Variants in HIF1A observed in about 807,000 individuals in gnomAD.
The protein encoded by HIF1A is hypoxia inducible factor 1 subunit alpha.
Under a neutral mutation model 92.7 loss-of-function variants are expected in HIF1A, and 24 were observed. The observed-to-expected ratio is 0.26, with a 90% confidence interval of 0.19 to 0.36. The LOEUF (loss-of-function observed/expected upper bound fraction) is 0.36, where lower values mean the gene tolerates loss of function less well. Among genes scored for constraint, HIF1A ranks in the 10% least tolerant of loss-of-function variants. The probability of loss-of-function intolerance (pLI) is 1.00; values close to 1 mark genes in which losing one functional copy is unlikely to be tolerated. For synonymous variants in HIF1A, 319 were observed against 338.7 expected (o/e 0.94, Z 0.64); for missense variants, 799 against 998.5 (o/e 0.80, Z 2.69).
rs372113446 is a variant in HIF1A, at chr14:61,740,936, C to T, written c.1841C>T (p.Ala614Val). ...CAAATACAAGAACCTACTGCTAATG[C>T]CACCACTACCACTGCCACCACTGAT... is the stretch of plus-strand genomic sequence containing the variant. The part of the protein sequence containing the change: ...QTQIQEPTAN[A>V]TTTTATTDEL... Residue 614 changes from alanine to valine, a missense_variant, in exon 12 of 15, where the codon GCC (alanine) becomes GTC (valine). This residue lies in a region of HIF1A where 283 missense variants were observed against 277.5 expected (regional missense o/e 1.02). Coordinates refer to ENST00000337138, the MANE Select transcript of HIF1A (RefSeq NM_001530.4). The T allele has an allele frequency of 2.5e-6, 4 of 1,614,116 alleles. No individual in the cohort carries two copies. The East Asian group carries it at 8.9e-5, about 36-fold the overall frequency.
At chr14:61,729,470 A>AC (rs2044548286) in intron 6 of HIF1A, among the ~76,000 whole-genome samples, 1 of 151,474 alleles carries the variant, frequency 6.6e-6, no homozygotes, top group Admixed American at 6.6e-5. Flanking sequence ...TCAAAAAACA[A>AC]AAACAAAACA....
chr14:61,729,177 C>T (rs1010031886), intron 6 of HIF1A, among the ~76,000 whole-genome samples: 2 of 151,994 alleles, frequency 1.3e-5, no homozygotes, highest in Non-Finnish European at 2.9e-5. Context: ...AAATAAGAAT[C>T]ATGGCTGGGT....
chr14:61,721,570 G>C lies in HIF1A; in HGVS notation c.288G>C (p.Leu96Phe). 6.2e-7 allele frequency: 1 copy of C among 1,612,742 alleles called. No homozygotes were observed. Among genetic ancestry groups the C allele is most frequent in the Non-Finnish European group, 8.5e-7 (1 of 1,178,986 alleles). Reference sequence around the variant, plus strand: ...TGAATTGCTTTTATTTGAAAGCCTTGGATGGTTTTGTTATGGTTCTCACAG... The same window carrying C: ...TGAATTGCTTTTATTTGAAAGCCTTCGATGGTTTTGTTATGGTTCTCACAG... Reference protein sequence around the residue: ...AQMNCFYLKALDGFVMVLTDD... With the variant: ...AQMNCFYLKAFDGFVMVLTDD... Residue 96 changes from leucine to phenylalanine, a missense_variant, in exon 3 of 15, where the codon TTG (leucine) becomes TTC (phenylalanine). This residue lies in a region of HIF1A where 516 missense variants were observed against 721.0 expected (regional missense o/e 0.72). Transcript: ENST00000337138.
intron 12 of HIF1A, among the ~76,000 whole-genome samples, chr14:61,742,069 A>T (rs946646757): frequency 1.3e-5 from 2 of 152,200 alleles, no homozygotes; most frequent in African/African-American, 4.8e-5. Context: ...ATTGCAGGCT[A>T]CATAGGTTTT....
chr14:61,720,845 C>T (rs1466742094), intron 2 of HIF1A, among the ~76,000 whole-genome samples: 1 of 152,140 alleles, frequency 6.6e-6, no homozygotes, highest in Admixed American at 6.5e-5. Flanking sequence ...TCTAATATAA[C>T]ATCCTTTTTA....
chr14:61,739,726 T>C (rs1167184455), intron 10 of HIF1A, among the ~76,000 whole-genome samples: 1 of 152,214 alleles, frequency 6.6e-6, no homozygotes, highest in African/African-American at 2.4e-5. Context: ...ACTCTTAAAA[T>C]AGTAATAATG....
intron 1 of HIF1A, among the ~76,000 whole-genome samples, chr14:61,718,231 T>C (rs886347938): frequency 1.3e-5 from 2 of 152,180 alleles, no homozygotes; most frequent in African/African-American, 4.8e-5. Flanking sequence ...GGCAGGAGAA[T>C]TGCTTGAGCT....
chr14:61,698,612 T>C (rs2044141996), intron 1 of HIF1A, among the ~76,000 whole-genome samples: 1 of 152,242 alleles, frequency 6.6e-6, no homozygotes, highest in Non-Finnish European at 1.5e-5. Context: ...CTTTAGTTTC[T>C]TTTCTGTGTC....
chr14:61,729,379 T>G (rs529541159), intron 6 of HIF1A, among the ~76,000 whole-genome samples: 1 of 152,042 alleles, frequency 6.6e-6, no homozygotes, highest in East Asian at 1.9e-4. Context: ...GGAGAATTGC[T>G]TGAATCCAGG....
chr14:61,735,414 C>T (rs1235786338), intron 8 of HIF1A, among the ~76,000 whole-genome samples: 2 of 152,200 alleles, frequency 1.3e-5, no homozygotes, highest in East Asian at 1.9e-4. Context: ...GAATCTTCCA[C>T]TTGGAATGTC....
intron 1 of HIF1A, among the ~76,000 whole-genome samples, chr14:61,712,927 T>C (rs1324578965): frequency 1.3e-5 from 2 of 149,142 alleles, no homozygotes; most frequent in Non-Finnish European, 3.0e-5. Flanking sequence ...TGATCAGTTC[T>C]ACCAGAGAGG....
chr14:61,741,571 G>A (rs1033725118), intron 12 of HIF1A, among the ~76,000 whole-genome samples: 4 of 151,638 alleles, frequency 2.6e-5, no homozygotes, highest in Non-Finnish European at 5.9e-5. Flanking sequence ...GTTTCTCCAC[G>A]TTGGTCAGGC....
intron 1 of HIF1A, among the ~76,000 whole-genome samples, chr14:61,716,394 CAGAA>C: frequency 2.0e-5 from 3 of 152,116 alleles, no homozygotes. Flanking sequence ...CCTTCAAGGC[CAGAA>C]AGAGTTATTT....
At chr14:61,710,386 C>G (rs1003217963) in intron 1 of HIF1A, among the ~76,000 whole-genome samples, 4 of 152,002 alleles carry the variant, frequency 2.6e-5, no homozygotes, top group Non-Finnish European at 5.9e-5. Context: ...TTTATTGCAC[C>G]GTGTCCTGTT....
intron 1 of HIF1A, chr14:61,717,164 G>A (rs1419138767): frequency 6.6e-6 from 1 of 152,140 alleles, no homozygotes; most frequent in Non-Finnish European, 1.5e-5. Context: ...TCATCTCTGT[G>A]GGACCTAGAC....
intron 14 of HIF1A, 77 bp from the exon 15 acceptor site, chr14:61,746,857 C>T: frequency 8.5e-7 from 1 of 1,181,036 alleles, no homozygotes; most frequent in Non-Finnish European, 1.2e-6. Context: ...TTCTATGATA[C>T]CTAACACATT....
chr14:61,737,289 C>T (rs1394645424), intron 9 of HIF1A, among the ~76,000 whole-genome samples, 180 bp downstream of exon 9: 1 of 152,182 alleles, frequency 6.6e-6, no homozygotes, highest in Non-Finnish European at 1.5e-5. Flanking sequence ...TCTTACCATT[C>T]TTGCTTTTTT....
chr14:61,746,380 C>T (rs1261093814), intron 14 of HIF1A, among the ~76,000 whole-genome samples: 1 of 132,774 alleles, frequency 7.5e-6, no homozygotes, highest in East Asian at 2.1e-4. Context: ...AATTTGTGAA[C>T]TTTTATGACT....
chr14:61,717,185 A>G (rs1222406272), intron 1 of HIF1A, among the ~76,000 whole-genome samples: 1 of 152,230 alleles, frequency 6.6e-6, no homozygotes. Flanking sequence ...CCCCTGGTCT[A>G]ACAAATAATT....
Sources: allele counts gnomAD v4.1 joint callset (sites outside exome capture counted in the v4.1 genomes callset), GRCh38; gene constraint gnomAD v4.1.1; regional missense constraint gnomAD v4.1.1; transcripts MANE v1.5; gene names NCBI Gene and HGNC (gene_info 2026-07-23, HGNC 2026-07-21).